The following COL22A1 variants were observed in gnomAD, a reference collection of about 807,000 sequenced individuals.
The protein encoded by COL22A1 is collagen type XXII alpha 1 chain, also known as collagen alpha-1(XXII) chain.
Under a neutral mutation model 248.9 loss-of-function variants are expected in COL22A1, and 221 were observed. The ratio of observed to expected loss-of-function variants is 0.89; its 90% CI spans 0.80 to 0.99. The LOEUF is 0.99. Ranked by LOEUF, COL22A1 falls within the 50% of genes least tolerant of loss-of-function variation. The probability of loss-of-function intolerance (pLI) is 0.00; values close to 1 mark genes in which losing one functional copy is unlikely to be tolerated. For synonymous variants in COL22A1, 891 were observed against 793.4 expected (o/e 1.12, Z -2.07); for missense variants, 2,240 against 2,179.0 (o/e 1.03, Z -0.56).
chr8:138,701,453 A>G (rs1339224390), intron 31 of COL22A1, among the ~76,000 whole-genome samples: 1 of 152,190 alleles, frequency 6.6e-6, no homozygotes, highest in Non-Finnish European at 1.5e-5. Context: ...AGCTTCCTAT[A>G]TCTTGCCCTC....
intron 16 of COL22A1, among the ~76,000 whole-genome samples, chr8:138,767,650 G>A (rs979348465): frequency 6.6e-6 from 1 of 152,190 alleles, no homozygotes; most frequent in Admixed American, 6.5e-5. Flanking sequence ...TCAAGCGATC[G>A]TATGGGATAT....
chr8:138,741,962 GTGATGGTGATGGTAGAGT>G (rs1831604826), intron 22 of COL22A1, among the ~76,000 whole-genome samples: 1 of 96,750 alleles, frequency 1.0e-5, no homozygotes, highest in South Asian at 2.6e-4. Context: ...AGTAGTGATG[GTGATGGTGATGGTAGAGT>G]TGATGGTGAT....
At chr8:138,828,919 G>T (rs922446316) in intron 5 of COL22A1, among the ~76,000 whole-genome samples, 9 of 152,080 alleles carry the variant, frequency 5.9e-5, no homozygotes, top group African/African-American at 1.4e-4. Flanking sequence ...AGCCAGCCGT[G>T]GGGGAGCCCA....
intron 44 of COL22A1, among the ~76,000 whole-genome samples, chr8:138,658,454 T>C (rs1338924540): frequency 1.3e-5 from 2 of 152,216 alleles, no homozygotes; most frequent in Non-Finnish European, 1.5e-5. Context: ...GGGCACTCCA[T>C]GCCTGTGTGA....
intron 5 of COL22A1, among the ~76,000 whole-genome samples, chr8:138,832,183 T>C (rs7013177): frequency 0.62 from 94,260 of 151,994 alleles, 29,372 homozygotes; most frequent in Middle Eastern, 0.73. Flanking sequence ...TAATCCACCC[T>C]TTGTTTAGCA....
chr8:138,856,308 T>C lies in COL22A1; in HGVS notation c.659-12150A>G, dbSNP rs114485106. Among the ~76,000 whole-genome samples, 1,397 of 152,304 alleles carry C rather than the reference T, an allele frequency of 9.2e-3. 20 individuals are homozygous for C. The highest frequency in any genetic ancestry group is 0.032 in the African/African-American group (1,342 of 41,566). ...CTGTTCACTGTATGAAACCATTAGG[T>C]ACATGTGCCCCTGTGTGCATTTGTG... On this transcript the variant is annotated intron_variant, in intron 3 of 64. Transcript: ENST00000303045.
At chr8:138,613,978 A>T in intron 55 of COL22A1, 58 bp from the exon 56 acceptor site, 1 of 1,369,548 alleles carries the variant, frequency 7.3e-7, no homozygotes, top group South Asian at 1.2e-5. Flanking sequence ...AGGTGATGGC[A>T]TCCCAATTTC....
At chr8:138,759,671 C>T (rs902945200) in intron 18 of COL22A1, among the ~76,000 whole-genome samples, 22 of 152,186 alleles carry the variant, frequency 1.4e-4, no homozygotes, top group African/African-American at 4.6e-4. Flanking sequence ...GCCACTGTTG[C>T]ATCTGAGATG....
intron 4 of COL22A1, among the ~76,000 whole-genome samples, chr8:138,839,514 G>T (rs1820707903): frequency 6.6e-6 from 1 of 152,158 alleles, no homozygotes; most frequent in Non-Finnish European, 1.5e-5. Context: ...AGTAGGTAAA[G>T]GTACAATGCA....
chr8:138,878,303 G>T lies in COL22A1; in HGVS notation c.105C>A (p.Val35=). ...CQAQRAGCKS[V]HYDLVFLLDT... is the part of the protein sequence containing the mutation. ...CCAGGAGGAAGACCAGATCGTAGTG[G>T]ACACTTTTGCAACCTGCAGGGGTGA... Residue 35 remains valine (V), a synonymous_variant, in exon 3 of 65, where the codon GTC becomes GTA. Transcript: ENST00000303045. 1 of 1,550,450 alleles carries T rather than the reference G, an allele frequency of 6.4e-7. No homozygotes were observed. The highest frequency in any genetic ancestry group is 2.3e-5 in the East Asian group (1 of 42,962).
chr8:138,869,245 T>C (rs1273045419), intron 3 of COL22A1, among the ~76,000 whole-genome samples: 2 of 152,160 alleles, frequency 1.3e-5, no homozygotes, highest in East Asian at 3.9e-4. Flanking sequence ...CACAGGTGCA[T>C]ATGGAGCTCA....
At chr8:138,617,350 C>A (rs961528916) in intron 53 of COL22A1, among the ~76,000 whole-genome samples, 1 of 139,006 alleles carries the variant, frequency 7.2e-6, no homozygotes, top group Non-Finnish European at 1.6e-5. Context: ...GGGAACATCA[C>A]CTTCACCCAG....
intron 47 of COL22A1, among the ~76,000 whole-genome samples, chr8:138,644,083 C>A (rs1440011234): frequency 1.3e-5 from 2 of 152,042 alleles, no homozygotes; most frequent in East Asian, 3.9e-4. Context: ...CACCTGACCC[C>A]TATGCAATAT....
intron 46 of COL22A1, among the ~76,000 whole-genome samples, chr8:138,649,192 T>C (rs889124413): frequency 6.6e-6 from 1 of 152,188 alleles, no homozygotes; most frequent in Non-Finnish European, 1.5e-5. Flanking sequence ...ACTTCCCCAT[T>C]GTCTACATGT....
chr8:138,674,143 C>T (rs986635300), intron 41 of COL22A1, among the ~76,000 whole-genome samples: 4 of 152,144 alleles, frequency 2.6e-5, no homozygotes, highest in Admixed American at 2.6e-4. Flanking sequence ...TCTTGAATCC[C>T]CTCCTTAGGG....
At chr8:138,748,803 T>C (rs1385776501) in intron 22 of COL22A1, among the ~76,000 whole-genome samples, 1 of 152,200 alleles carries the variant, frequency 6.6e-6, no homozygotes, top group African/African-American at 2.4e-5. Flanking sequence ...TTTCTGAAGA[T>C]GATGGCAGTC....
chr8:138,623,643 G>T (rs1186897432), intron 52 of COL22A1, 89 bp downstream of exon 52: 4 of 1,139,982 alleles, frequency 3.5e-6, no homozygotes, highest in East Asian at 2.4e-5. Context: ...CTTCGAGACT[G>T]GTTCAAAATA....
intron 1 of COL22A1, among the ~76,000 whole-genome samples, chr8:138,901,488 T>C (rs1206540132): frequency 6.7e-6 from 1 of 149,272 alleles, no homozygotes; most frequent in Non-Finnish European, 1.5e-5. Flanking sequence ...CACCTCAGCC[T>C]CCCAGGTAGC....
intron 31 of COL22A1, among the ~76,000 whole-genome samples, chr8:138,700,988 CAAAAAA>C (rs5895554): frequency 1.8e-5 from 1 of 54,704 alleles, no homozygotes. Context: ...GACTCCGTCT[CAAAAAA>C]AAAAAAAAAA....
Sources: gnomAD v4.1 joint callset for allele counts (sites outside exome capture counted in the v4.1 genomes callset) on GRCh38, gnomAD v4.1.1 for gene constraint, MANE v1.5 for transcripts, NCBI Gene and HGNC (gene_info 2026-07-23, HGNC 2026-07-21) for gene names.